Variants in XKR4 observed in about 807,000 individuals in gnomAD.
XKR4 encodes the protein XK related 4, also known as XK-related protein 4.
In XKR4, 12 loss-of-function variants were observed where a neutral mutation model predicts 53.9. The ratio of observed to expected loss-of-function variants is 0.22; its 90% confidence interval spans 0.14 to 0.36. The LOEUF (loss-of-function observed/expected upper bound fraction) is 0.36. Among genes scored for constraint, XKR4 ranks in the 10% least tolerant of loss-of-function variants. XKR4 has a pLI of 1.00. For missense variants in XKR4, 799 were observed against 859.5 expected (o/e 0.93, Z 0.88); for synonymous variants, 354 against 362.4 (o/e 0.98, Z 0.26).
At chr8:55,259,975 C>T (rs1818496303) in intron 1 of XKR4, among the ~76,000 whole-genome samples, 1 of 135,464 alleles carries the variant, frequency 7.4e-6, no homozygotes, top group South Asian at 2.6e-4. Flanking sequence ...TCTCTTCTTT[C>T]TGTGTTCACC....
In XKR4 at chr8:55,299,954, G is replaced by T. The variant is rs57565310; in HGVS notation, c.807-57724G>T. On this transcript the variant is annotated intron_variant, in intron 1 of 2. Coordinates refer to ENST00000327381, the MANE Select transcript of XKR4 (RefSeq NM_052898.2). ...CAACTCACACTCACTGAAACCATGG[G>T]CTGGAGGAGCTCCCCAGGAGAGGGA... is the stretch of plus-strand genomic sequence containing the variant. Among the ~76,000 whole-genome samples the T allele has an allele frequency of 2.4e-3, 358 of 152,234 alleles. 2 individuals carry two copies. Among genetic ancestry groups the T allele is most frequent in the African/African-American group, 8.0e-3 (333 of 41,548 alleles).
chr8:55,150,554 A>T (rs1174814789), intron 1 of XKR4, among the ~76,000 whole-genome samples: 1 of 152,140 alleles, frequency 6.6e-6, no homozygotes, highest in East Asian at 1.9e-4. Flanking sequence ...TCACCCCCGG[A>T]ACCCTGCCAG....
intron 2 of XKR4, among the ~76,000 whole-genome samples, chr8:55,470,198 G>C (rs568062981): frequency 6.6e-6 from 1 of 152,276 alleles, no homozygotes; most frequent in East Asian, 1.9e-4. Context: ...GCATGCGTCA[G>C]ATAATAATAT....
At position 55,110,013 on chromosome 8, in the gene XKR4, A is replaced by G. The variant is rs186350005; in HGVS notation, c.806+6719A>G. On this transcript the variant is annotated intron_variant, in intron 1 of 2. Coordinates refer to ENST00000327381, the MANE Select transcript of XKR4 (RefSeq NM_052898.2). ...CTCCTTCACATGGACTTACTGGCTA[A>G]TCTGATTAGTACATTTCTTTACTTA... Among the ~76,000 whole-genome samples, 587 of 152,342 alleles carry G rather than the reference A, an allele frequency of 3.9e-3. 2 individuals are homozygous for G. The highest frequency in any genetic ancestry group is 6.6e-3 in the Non-Finnish European group (452 of 68,028).
Position 55,526,905 on chromosome 8 carries a change from T to A in XKR4, c.*2678T>A, listed in dbSNP as rs1261883359. 4 of 152,236 alleles carry A rather than the reference T, an allele frequency of 2.6e-5. No individual in the cohort carries two copies. Among genetic ancestry groups the A allele is most frequent in the Non-Finnish European group, 5.9e-5 (4 of 68,046 alleles). 9.4% of individuals were successfully genotyped at this position (152,236 alleles called of 1,614,324 possible). ...AAGGAGGTTGAATTTTTCAGTGATT[T>A]CCCAAATACTGTAAATACTCTGTTA... On this transcript the variant is annotated 3_prime_UTR_variant, in exon 3 of 3. Coordinates refer to ENST00000327381, the MANE Select transcript of XKR4 (RefSeq NM_052898.2).
rs140847702 is a variant in XKR4 at position 55,408,985 on chromosome 8, C to T, written c.1006+51108C>T. 8.7e-4 allele frequency among the ~76,000 whole-genome samples: 121 copies of T among 138,494 alleles called. 1 individual carries two copies. The South Asian group carries it at 0.011, about 13-fold the overall frequency. 90.9% of individuals were successfully genotyped at this position (138,494 alleles called of 152,430 possible). On this transcript the variant is annotated intron_variant, in intron 2 of 2. Transcript: ENST00000327381. ...TCGTGCCACTGCACTCCAGCCTGGA[C>T]GACAGAGCAAGACTCCGTCTCAAAA...
intron 2 of XKR4, among the ~76,000 whole-genome samples, chr8:55,440,395 AT>A (rs1335273800): frequency 6.6e-6 from 1 of 152,194 alleles, no homozygotes; most frequent in Non-Finnish European, 1.5e-5. Flanking sequence ...GAGAGTTAGA[AT>A]TTAAAATAGA....
chr8:55,477,174 G>T (rs1806005722), intron 2 of XKR4, among the ~76,000 whole-genome samples: 2 of 152,048 alleles, frequency 1.3e-5, no homozygotes. Flanking sequence ...CACACAGCCG[G>T]ATACTCCTCT....
chr8:55,429,068 A>G (rs1805060596), intron 2 of XKR4, among the ~76,000 whole-genome samples: 1 of 152,252 alleles, frequency 6.6e-6, no homozygotes, highest in South Asian at 2.1e-4. Context: ...CACATAGATC[A>G]ATGGAACTAA....
chr8:55,234,832 A>G (rs933264404), intron 1 of XKR4, among the ~76,000 whole-genome samples: 30 of 152,190 alleles, frequency 2.0e-4, no homozygotes, highest in Admixed American at 4.6e-4. Flanking sequence ...CTCAGGACAT[A>G]GCGCAGACCC....
At chr8:55,370,948 C>G (rs1349152218) in intron 2 of XKR4, among the ~76,000 whole-genome samples, 2 of 151,918 alleles carry the variant, frequency 1.3e-5, no homozygotes, top group Non-Finnish European at 2.9e-5. Context: ...AAGACAGATA[C>G]AAAGACACAG....
chr8:55,456,904 G>A (rs1256806372), intron 2 of XKR4, among the ~76,000 whole-genome samples: 2 of 151,784 alleles, frequency 1.3e-5, no homozygotes, highest in African/African-American at 4.8e-5. Context: ...TTGATGAAAG[G>A]CTGTCTACAA....
At chr8:55,508,769 T>C (rs897325716) in intron 2 of XKR4, among the ~76,000 whole-genome samples, 4 of 152,184 alleles carry the variant, frequency 2.6e-5, no homozygotes, top group Non-Finnish European at 2.9e-5. Flanking sequence ...CAACTGAGTA[T>C]AAAGAAATCA....
At chr8:55,432,178 G>A (rs896272863) in intron 2 of XKR4, among the ~76,000 whole-genome samples, 3 of 152,168 alleles carry the variant, frequency 2.0e-5, no homozygotes, top group Non-Finnish European at 4.4e-5. Context: ...GGCAGGAGGA[G>A]GGTTATTCAC....
chr8:55,340,244 A>T lies in XKR4; in HGVS notation c.807-17434A>T, dbSNP rs144372463. Among the ~76,000 whole-genome samples the T allele has an allele frequency of 2.5e-3, 388 of 152,378 alleles. 1 individual carries two copies. Among genetic ancestry groups the T allele is most frequent in the African/African-American group, 8.3e-3 (345 of 41,588 alleles). On this transcript the variant is annotated intron_variant, in intron 1 of 2. Coordinates refer to ENST00000327381, the MANE Select transcript of XKR4 (RefSeq NM_052898.2). Reference sequence around the variant, plus strand: ...TGCATACATAGTTAACTGTAAGCTCACAGCCAACAGAGATGCATTTTTAGC... The same window carrying T: ...TGCATACATAGTTAACTGTAAGCTCTCAGCCAACAGAGATGCATTTTTAGC...
chr8:55,371,176 A>C (rs2129386134), intron 2 of XKR4, among the ~76,000 whole-genome samples: 1 of 151,528 alleles, frequency 6.6e-6, no homozygotes, highest in South Asian at 2.1e-4. Context: ...TTTTTGTGAA[A>C]ATAGTGGCTT....
chr8:55,297,681 A>G (rs1350843649), intron 1 of XKR4, among the ~76,000 whole-genome samples: 3 of 152,190 alleles, frequency 2.0e-5, no homozygotes, highest in African/African-American at 7.2e-5. Flanking sequence ...TATTTCTCTA[A>G]TGAAGACATA....
rs370369763 is a variant in XKR4, at chr8:55,357,891, A to G, written c.1006+14A>G. ...AGGCCCTCCAAGGTAAGGGCTTGCA[A>G]TTTGGTTTCTGAATTTGGGGAAAGA... is the stretch of plus-strand genomic sequence containing the variant. On this transcript the variant is annotated intron_variant, in intron 2 of 2. Coordinates refer to ENST00000327381, the MANE Select transcript of XKR4 (RefSeq NM_052898.2). 3.1e-6 allele frequency: 5 copies of G among 1,602,736 alleles called. No homozygotes were observed. The highest frequency in any genetic ancestry group is 4.3e-6 in the Non-Finnish European group (5 of 1,171,562).
chr8:55,235,652 C>G (rs1027796116), intron 1 of XKR4, among the ~76,000 whole-genome samples: 27 of 152,164 alleles, frequency 1.8e-4, no homozygotes, highest in African/African-American at 6.0e-4. Flanking sequence ...CCTCCCTCTC[C>G]TTGACCTACA....
Sources: gnomAD v4.1 joint callset for allele counts (sites outside exome capture counted in the v4.1 genomes callset) on GRCh38, gnomAD v4.1.1 for gene constraint, MANE v1.5 for transcripts, NCBI Gene and HGNC (gene_info 2026-07-23, HGNC 2026-07-21) for gene names.